RTCB: variants seen among roughly 807,000 people sequenced by gnomAD.
RTCB encodes RNA 2',3'-cyclic phosphate and 5'-OH ligase.
A neutral mutation model predicts 58.2 loss-of-function variants in RTCB; 32 were observed. The observed-to-expected ratio is 0.55, with a 90% CI of 0.41 to 0.74. The LOEUF (loss-of-function observed/expected upper bound fraction) is 0.74. RTCB is among the 30% of genes least tolerant of loss of function. The pLI, the probability that RTCB is intolerant of heterozygous loss-of-function variation, is 0.00. For synonymous variants in RTCB, 247 were observed against 218.6 expected, an observed-to-expected ratio of 1.13 and a Z score of -1.15; for missense variants, 523 against 639.0, an observed-to-expected ratio of 0.82 and a Z score of 1.96.
chr22:32,410,494 T>G (rs775668954), intron 1 of RTCB, among the ~76,000 whole-genome samples: 37 of 152,194 alleles, frequency 2.4e-4, no homozygotes, highest in Non-Finnish European at 4.4e-4. Context: ...AATAGCGTTT[T>G]AAGAGCAATG....
At chr22:32,389,874 G>A (rs1384051879) in intron 11 of RTCB, among the ~76,000 whole-genome samples, 1 of 152,144 alleles carries the variant, frequency 6.6e-6, no homozygotes, top group African/African-American at 2.4e-5. Flanking sequence ...AAGTCCAAAT[G>A]CTCTGGCGCC....
At position 32,412,130 on chromosome 22, in the gene RTCB, C is replaced by T. The variant is rs1413122928; in HGVS notation, c.27G>A (p.Leu9=). 1.9e-6 allele frequency: 3 copies of T among 1,605,410 alleles called. No homozygotes were observed. The highest frequency in any genetic ancestry group is 1.7e-6 in the Non-Finnish European group (2 of 1,176,966). Residue 9 remains leucine, a synonymous_variant, in exon 1 of 12, where the codon CTG becomes CTA. Transcript: ENST00000216038. ...TTTTATTGATCTTCTCCAAGAACTG[C>T]AGCTCATCATTATAGCTGCGACTCA... MSRSYNDE[L]QFLEKINKNC...
In RTCB at chr22:32,387,707, A is replaced by G; in HGVS notation, c.*285T>C. On this transcript the variant is annotated 3_prime_UTR_variant, in exon 12 of 12. Coordinates refer to ENST00000216038, the MANE Select transcript of RTCB (RefSeq NM_014306.5). Reference sequence around the variant, plus strand: ...GTATGACTGCGTAAGGCAGTTTGACATCTACCCATCCCTAACAGATTTTCC... The same window carrying G: ...GTATGACTGCGTAAGGCAGTTTGACGTCTACCCATCCCTAACAGATTTTCC... 2.9e-6 allele frequency: 1 copy of G among 345,312 alleles called. No homozygotes were observed. Among genetic ancestry groups the G allele is most frequent in the South Asian group, 4.4e-5 (1 of 22,488 alleles). 21.4% of individuals were successfully genotyped at this position (345,312 alleles called of 1,614,324 possible). A position where few individuals can be genotyped will look rare whatever the true frequency, so the allele number is the denominator to read the frequency against.
At chr22:32,393,356 T>C (rs1933187006) in intron 10 of RTCB, among the ~76,000 whole-genome samples, 1 of 152,154 alleles carries the variant, frequency 6.6e-6, no homozygotes, top group African/African-American at 2.4e-5. Context: ...AAGCCTAAAA[T>C]ATTTACGGTC....
At chr22:32,399,317 T>A (rs1326478552) in intron 6 of RTCB, among the ~76,000 whole-genome samples, 2 of 151,614 alleles carry the variant, frequency 1.3e-5, no homozygotes, top group African/African-American at 4.8e-5. Flanking sequence ...TTTTTTTTTT[T>A]AATTTTTGTA....
intron 6 of RTCB, 95 bp downstream of exon 6, chr22:32,399,508 A>G (rs1472945327): frequency 8.6e-6 from 10 of 1,166,972 alleles, no homozygotes; most frequent in Non-Finnish European, 9.7e-6. Flanking sequence ...AAACCTGGGA[A>G]TATGTTTGCT....
chr22:32,399,502 C>T lies in RTCB; in HGVS notation c.654+101G>A. On this transcript the variant is annotated intron_variant, in intron 6 of 11. Transcript: ENST00000216038. ...ATTTTTTGATATACCATAAAAAAAC[C>T]TGGGAATATGTTTGCTAAATGTAAG... The T allele has an allele frequency of 2.7e-6, 3 of 1,126,042 alleles. No homozygotes were observed. The African/African-American group carries it at 4.7e-5, about 18-fold the overall frequency. The allele number at this position is 1,126,042 out of a possible 1,614,324, so 69.8% of individuals were successfully genotyped here.
chr22:32,395,880 T>C (rs1416224333), intron 8 of RTCB, among the ~76,000 whole-genome samples, 194 bp downstream of exon 8: 1 of 152,172 alleles, frequency 6.6e-6, no homozygotes, highest in African/African-American at 2.4e-5. Context: ...TTTGTATTTT[T>C]AGTAGAGACG....
At chr22:32,402,709 A>C (rs954364384) in intron 4 of RTCB, among the ~76,000 whole-genome samples, 1 of 151,770 alleles carries the variant, frequency 6.6e-6, no homozygotes, top group African/African-American at 2.4e-5. Flanking sequence ...TCAGCCTCCT[A>C]AAGTGCTGGG....
chr22:32,402,256 A>G (rs1165217444), intron 4 of RTCB, among the ~76,000 whole-genome samples: 1 of 152,150 alleles, frequency 6.6e-6, no homozygotes, highest in Non-Finnish European at 1.5e-5. Context: ...GGTCCTTTCT[A>G]TAACATATCT....
chr22:32,388,836 T>G (rs1007962689), intron 11 of RTCB, among the ~76,000 whole-genome samples: 2 of 152,168 alleles, frequency 1.3e-5, no homozygotes, highest in African/African-American at 4.8e-5. Context: ...TCTGAAACTT[T>G]CCCACTGTGG....
At chr22:32,406,833 C>G (rs1260940199) in intron 3 of RTCB, 72 bp from the exon 4 acceptor site, 2 of 1,028,092 alleles carry the variant, frequency 1.9e-6, no homozygotes, top group Non-Finnish European at 3.0e-6. Flanking sequence ...GGACCTGACA[C>G]TGATTCTCAA....
intron 4 of RTCB, among the ~76,000 whole-genome samples, chr22:32,402,231 A>G (rs1284301009): frequency 6.6e-6 from 1 of 152,122 alleles, no homozygotes; most frequent in Non-Finnish European, 1.5e-5. Context: ...CAAATAACCA[A>G]CTTTTGCGTT....
At chr22:32,394,046 A>G (rs1272455033) in intron 9 of RTCB, 44 bp from the exon 10 acceptor site, 1 of 1,377,172 alleles carries the variant, frequency 7.3e-7, no homozygotes, top group African/African-American at 1.4e-5. Flanking sequence ...TCAGAAAAAC[A>G]TAGGCTTTTT....
Position 32,412,045 on chromosome 22 carries a change from A to C in RTCB, c.93+19T>G. Reference sequence around the variant, plus strand: ...GGGACGGAGCACGGAAGGCCCCGCCATTTGCTCTCCTGCCTTACCTGCATG... The same window carrying C: ...GGGACGGAGCACGGAAGGCCCCGCCCTTTGCTCTCCTGCCTTACCTGCATG... On this transcript the variant is annotated intron_variant, in intron 1 of 11. Coordinates refer to ENST00000216038, the MANE Select transcript of RTCB (RefSeq NM_014306.5). The C allele has an allele frequency of 1.3e-6, 2 of 1,592,220 alleles. No individual in the cohort carries two copies. The highest frequency in any genetic ancestry group is 1.7e-6 in the Non-Finnish European group (2 of 1,171,184).
intron 4 of RTCB, among the ~76,000 whole-genome samples, chr22:32,406,162 T>C (rs1933416477): frequency 6.6e-6 from 1 of 152,210 alleles, no homozygotes; most frequent in East Asian, 1.9e-4. Context: ...CCCAAAATTT[T>C]CAATAAAAAT....
intron 6 of RTCB, among the ~76,000 whole-genome samples, 173 bp from the exon 7 acceptor site, chr22:32,398,273 A>G (rs766878016): frequency 6.6e-6 from 1 of 152,228 alleles, no homozygotes; most frequent in Non-Finnish European, 1.5e-5. Context: ...TATTCTACAC[A>G]ACAAAATAAC....
At chr22:32,394,270 C>T (rs1601425040) in intron 9 of RTCB, among the ~76,000 whole-genome samples, 2 of 152,000 alleles carry the variant, frequency 1.3e-5, no homozygotes, top group Admixed American at 1.3e-4. Flanking sequence ...TGCTGCCATG[C>T]CCAGCTAATT....
At position 32,412,209 on chromosome 22, in the gene RTCB, C is replaced by G. The variant is rs1042760267; in HGVS notation, c.-53G>C. On this transcript the variant is annotated 5_prime_UTR_variant, in exon 1 of 12. Coordinates refer to ENST00000216038, the MANE Select transcript of RTCB (RefSeq NM_014306.5). Reference sequence around the variant, plus strand: ...CGGCTCCGCTTTGAAGAGCCGCTGCCGCGTAGTCCGGCTTCTCAGAGCACC... The same window carrying G: ...CGGCTCCGCTTTGAAGAGCCGCTGCGGCGTAGTCCGGCTTCTCAGAGCACC... 1.4e-5 allele frequency: 20 copies of G among 1,454,480 alleles called. 1 individual carries two copies. Among genetic ancestry groups the G allele is most frequent in the Admixed American group, 1.9e-5 (1 of 52,474 alleles). 90.1% of individuals were successfully genotyped at this position (1,454,480 alleles called of 1,614,324 possible). A position where few individuals can be genotyped will look rare whatever the true frequency, so the allele number is the denominator to read the frequency against.
Sources: allele counts gnomAD v4.1 joint callset (sites outside exome capture counted in the v4.1 genomes callset), GRCh38; gene constraint gnomAD v4.1.1; transcripts MANE v1.5; gene names NCBI Gene and HGNC (gene_info 2026-07-23, HGNC 2026-07-21).